Variants in RANBP2 observed in about 807,000 individuals in gnomAD.
The protein encoded by RANBP2 is RAN binding protein 2, also known as E3 SUMO-protein ligase RanBP2.
Under a neutral mutation model 303.6 loss-of-function variants are expected in RANBP2, and 57 were observed. The observed-to-expected ratio is 0.19, with a 90% confidence interval of 0.15 to 0.23. The LOEUF (loss-of-function observed/expected upper bound fraction) is 0.23, where lower values mean the gene tolerates loss of function less well. Ranked by LOEUF, RANBP2 falls within the 10% of genes least tolerant of loss-of-function variation. The probability of loss-of-function intolerance (pLI) is 1.00; values close to 1 mark genes in which losing one functional copy is unlikely to be tolerated. For synonymous variants in RANBP2, 1,167 were observed against 1,301.5 expected (o/e 0.90, Z 2.23); for missense variants, 3,138 against 3,780.8 (o/e 0.83, Z 4.46).
the RANBP2 span, among the ~76,000 whole-genome samples, chr2:109,639,413 G>C: frequency 6.6e-6 from 1 of 152,076 alleles, no homozygotes; most frequent in Non-Finnish European, 1.5e-5. Flanking sequence ...GAGATCAAGA[G>C]ATCTAGACCA....
the RANBP2 span, among the ~76,000 whole-genome samples, chr2:108,953,367 C>G: frequency 9.8e-5 from 15 of 152,320 alleles, no homozygotes; most frequent in African/African-American, 3.6e-4. Flanking sequence ...GTACTCTCTT[C>G]TCTGGTATCC....
the RANBP2 span, among the ~76,000 whole-genome samples, chr2:109,539,245 C>T: frequency 6.6e-6 from 1 of 150,746 alleles, no homozygotes; most frequent in Non-Finnish European, 1.5e-5. Context: ...TTGCAGTGAG[C>T]CGATATTATG....
chr2:109,709,742 C>T, the RANBP2 span, among the ~76,000 whole-genome samples: 2 of 152,206 alleles, frequency 1.3e-5, no homozygotes, highest in East Asian at 3.8e-4. Context: ...ATATTTAAAA[C>T]AAGTACTTGT....
the RANBP2 span, among the ~76,000 whole-genome samples, chr2:109,558,056 T>A: frequency 6.6e-6 from 1 of 152,188 alleles, no homozygotes; most frequent in African/African-American, 2.4e-5. Context: ...CCTCCCATAG[T>A]GTTGGGATTA....
chr2:108,780,270 G>C (rs1002212137), intron 25 of RANBP2, among the ~76,000 whole-genome samples: 1 of 137,496 alleles, frequency 7.3e-6, no homozygotes, highest in Non-Finnish European at 1.5e-5. Flanking sequence ...TCTGCTCATT[G>C]CAACCTCCGC....
chr2:109,703,870 GT>G, the RANBP2 span, among the ~76,000 whole-genome samples: 1 of 152,168 alleles, frequency 6.6e-6, no homozygotes, highest in Non-Finnish European at 1.5e-5. Context: ...AAAAGTGGAG[GT>G]TGTCAATTAC....
At chr2:109,002,874 T>G in the RANBP2 span, among the ~76,000 whole-genome samples, 1 of 152,122 alleles carries the variant, frequency 6.6e-6, no homozygotes, top group African/African-American at 2.4e-5. Context: ...ACCTATGAAG[T>G]TCATGCCTCA....
chr2:109,432,722 C>T, the RANBP2 span: 39 of 1,563,140 alleles, frequency 2.5e-5, no homozygotes, highest in Middle Eastern at 3.5e-4. Context: ...AGGGCCTGCA[C>T]GCCTTACCGC....
At chr2:109,152,751 C>G in the RANBP2 span, among the ~76,000 whole-genome samples, 1 of 151,616 alleles carries the variant, frequency 6.6e-6, no homozygotes, top group African/African-American at 2.4e-5. Flanking sequence ...GGCAGAGGGG[C>G]GGGGGGGACC....
At chr2:109,008,185 G>A in the RANBP2 span, among the ~76,000 whole-genome samples, 1 of 152,282 alleles carries the variant, frequency 6.6e-6, no homozygotes, top group Admixed American at 6.5e-5. Context: ...ATTTGATCCT[G>A]TGTTATAGTT....
chr2:109,228,397 A>G, the RANBP2 span, among the ~76,000 whole-genome samples: 2 of 152,156 alleles, frequency 1.3e-5, no homozygotes, highest in African/African-American at 4.8e-5. Context: ...AGGAAAACCA[A>G]CTGTTTTCCT....
the RANBP2 span, among the ~76,000 whole-genome samples, chr2:109,477,971 G>A: frequency 1.2e-4 from 19 of 152,148 alleles, no homozygotes; most frequent in Non-Finnish European, 2.2e-4. Flanking sequence ...GAGGGTTCCC[G>A]CAAGGGCCTC....
chr2:109,377,934 C>A, the RANBP2 span, among the ~76,000 whole-genome samples: 18,331 of 152,292 alleles, frequency 0.12, 1,406 homozygotes, highest in Non-Finnish European at 0.18. Context: ...TCATTGGGAG[C>A]GGATAGCTCG....
At chr2:109,145,567 C>T in the RANBP2 span, among the ~76,000 whole-genome samples, 3 of 152,162 alleles carry the variant, frequency 2.0e-5, no homozygotes, top group East Asian at 3.8e-4. Context: ...CTAGGCTGTC[C>T]GGGGGGCCTC....
chr2:108,729,025 A>G, intron 1 of RANBP2, 107 bp from the exon 2 acceptor site: 1 of 1,325,326 alleles, frequency 7.5e-7, no homozygotes. Context: ...TAAGTGAATG[A>G]AAGTGGCGTA....
the RANBP2 span, among the ~76,000 whole-genome samples, chr2:109,109,152 C>T: frequency 2.0e-5 from 3 of 152,214 alleles, 1 homozygote; most frequent in Non-Finnish European, 4.4e-5. Context: ...CTGTGCTTGG[C>T]TGTGTTCAGT....
the RANBP2 span, among the ~76,000 whole-genome samples, chr2:108,808,826 A>T: frequency 6.6e-6 from 1 of 151,798 alleles, no homozygotes; most frequent in African/African-American, 2.4e-5. Flanking sequence ...TATTGTTTCC[A>T]ATCTCATTTG....
the RANBP2 span, among the ~76,000 whole-genome samples, chr2:109,422,570 C>T: frequency 1.3e-5 from 2 of 151,830 alleles, no homozygotes; most frequent in Admixed American, 6.6e-5. Context: ...TCTGCAGAGA[C>T]GTCTCTCATT....
At chr2:109,396,334 A>T in the RANBP2 span, among the ~76,000 whole-genome samples, 2 of 152,206 alleles carry the variant, frequency 1.3e-5, no homozygotes, top group Non-Finnish European at 2.9e-5. Context: ...ATAACCCTAG[A>T]TTTAGATCAC....
Sources: gnomAD v4.1 joint callset for allele counts (sites outside exome capture counted in the v4.1 genomes callset) on GRCh38, gnomAD v4.1.1 for gene constraint, MANE v1.5 for transcripts, NCBI Gene and HGNC (gene_info 2026-07-23, HGNC 2026-07-21) for gene names.